Variants in ARHGAP28 observed in about 807,000 individuals in gnomAD.
The protein encoded by ARHGAP28 is rho GTPase-activating protein 28.
ARHGAP28 carries 56 observed loss-of-function variants against 90.7 expected under a neutral mutation model. The ratio of observed to expected loss-of-function variants is 0.62; its 90% CI spans 0.50 to 0.77. ARHGAP28 has a LOEUF of 0.77. ARHGAP28 is among the 30% of genes least tolerant of loss of function. ARHGAP28 has a pLI of 0.00. For missense variants in ARHGAP28, 869 were observed against 900.9 expected (o/e 0.96, Z 0.45); for synonymous variants, 308 against 323.3 (o/e 0.95, Z 0.51).
chr18:6,764,796 T>C (rs755402227), intron 1 of ARHGAP28, among the ~76,000 whole-genome samples: 3 of 152,230 alleles, frequency 2.0e-5, no homozygotes, highest in Admixed American at 1.3e-4. Context: ...CTGCATGTTA[T>C]ACTCTGACCT....
Position 6,797,731 on chromosome 18 carries a change from G to A in ARHGAP28, c.123-27031G>A, listed in dbSNP as rs139287381. Among the ~76,000 whole-genome samples, 525 of 150,952 alleles carry A rather than the reference G, an allele frequency of 3.5e-3. 2 individuals carry two copies. The highest frequency in any genetic ancestry group is 0.012 in the African/African-American group (499 of 41,058). ...GGCTGGAGTGCAACAACGCGATCTCGCCTCACTGCAAACTCCGCCTCCCGG... is the reference window on the plus strand; with the variant it reads ...GGCTGGAGTGCAACAACGCGATCTCACCTCACTGCAAACTCCGCCTCCCGG... On this transcript the variant is annotated intron_variant, in intron 1 of 17. Transcript: ENST00000383472.
Position 6,894,778 on chromosome 18 carries a change from A to G in ARHGAP28, c.1849-57A>G, listed in dbSNP as rs369482085. On this transcript the variant is annotated intron_variant, in intron 14 of 17. Transcript: ENST00000383472. Reference sequence around the variant, plus strand: ...AAAGATTGTACCAGTTTACACTTCCAAAAGCAACATATGCTTGTTTTCTCA... The same window carrying G: ...AAAGATTGTACCAGTTTACACTTCCGAAAGCAACATATGCTTGTTTTCTCA... 42 of 1,514,644 alleles carry G rather than the reference A, an allele frequency of 2.8e-5. No homozygotes were observed. In the African/African-American group the frequency reaches 5.7e-4, roughly 21 times the overall value. The allele number at this position is 1,514,644 out of a possible 1,614,324, so 93.8% of individuals were successfully genotyped here.
chr18:6,757,834 A>C (rs2056124203), intron 1 of ARHGAP28, among the ~76,000 whole-genome samples: 1 of 152,122 alleles, frequency 6.6e-6, no homozygotes, highest in Admixed American at 6.5e-5. Flanking sequence ...AGCATTGAAC[A>C]CAGAGTTAGT....
At chr18:6,731,543 G>C (rs374409329) in intron 1 of ARHGAP28, among the ~76,000 whole-genome samples, 2 of 152,174 alleles carry the variant, frequency 1.3e-5, no homozygotes, top group African/African-American at 4.8e-5. Flanking sequence ...GTCAGAGCTA[G>C]TATTTCACCT....
Position 6,836,587 on chromosome 18 carries a change from G to C in ARHGAP28, c.326-610G>C, listed in dbSNP as rs562244782. On this transcript the variant is annotated intron_variant, in intron 2 of 17. Coordinates refer to ENST00000383472, the MANE Select transcript of ARHGAP28 (RefSeq NM_001366230.1). ...GGTGATTGTATAAGGCAGATACCTG[G>C]ATCTGCTATATGGAGGAATTGGGAG... is the stretch of plus-strand genomic sequence containing the variant. Among the ~76,000 whole-genome samples, 158 of 152,228 alleles carry C rather than the reference G, an allele frequency of 1.0e-3. 1 individual carries two copies. The highest frequency in any genetic ancestry group is 3.6e-3 in the African/African-American group (149 of 41,538).
intron 1 of ARHGAP28, among the ~76,000 whole-genome samples, chr18:6,732,941 G>C (rs1240284135): frequency 6.6e-6 from 1 of 151,842 alleles, no homozygotes; most frequent in Non-Finnish European, 1.5e-5. Context: ...TATCAGAAGC[G>C]GACAAACAAA....
chr18:6,801,302 G>A (rs554464175), intron 1 of ARHGAP28, among the ~76,000 whole-genome samples: 14 of 152,246 alleles, frequency 9.2e-5, no homozygotes, highest in Admixed American at 3.9e-4. Flanking sequence ...TTGCACCTTT[G>A]TTGAAAATTA....
At chr18:6,898,663 C>T (rs1567987429) in intron 16 of ARHGAP28, 94 of 1,483,770 alleles carry the variant, frequency 6.3e-5, no homozygotes, top group South Asian at 4.3e-4. Context: ...TGACTTTGTA[C>T]TCTCAAGTAG....
At chr18:6,769,768 C>T (rs73938293) in intron 1 of ARHGAP28, among the ~76,000 whole-genome samples, 4,215 of 152,228 alleles carry the variant, frequency 0.028, 171 homozygotes, top group African/African-American at 0.09. Context: ...TGTCTATCTT[C>T]GTAGTTTATG....
chr18:6,823,356 G>A (rs1600216992), intron 1 of ARHGAP28, among the ~76,000 whole-genome samples: 1 of 151,970 alleles, frequency 6.6e-6, no homozygotes, highest in African/African-American at 2.4e-5. Context: ...AATGTCCTCA[G>A]GTTTCATCCA....
chr18:6,885,801 TG>T (rs2057215873), intron 11 of ARHGAP28, among the ~76,000 whole-genome samples: 1 of 96,540 alleles, frequency 1.0e-5, no homozygotes, highest in Non-Finnish European at 2.3e-5. Flanking sequence ...TCCCCAGAGT[TG>T]TTTTTTTTTT....
intron 3 of ARHGAP28, among the ~76,000 whole-genome samples, chr18:6,838,126 G>C (rs1204578182): frequency 6.6e-6 from 1 of 152,206 alleles, no homozygotes. Context: ...TTGCATCACA[G>C]ATGCGACAGA....
At chr18:6,843,953 C>T (rs56923758) in intron 3 of ARHGAP28, among the ~76,000 whole-genome samples, 1,778 of 152,172 alleles carry the variant, frequency 0.012, 36 homozygotes, top group African/African-American at 0.04. Context: ...AATCAGTCTC[C>T]GGATACATCA....
intron 3 of ARHGAP28, among the ~76,000 whole-genome samples, chr18:6,841,217 CTCT>C (rs2056823725): frequency 7.2e-6 from 1 of 138,300 alleles, no homozygotes; most frequent in African/African-American, 2.8e-5. Context: ...TCCTCTCTCT[CTCT>C]CTCCCCCCAA....
chr18:6,842,385 T>G (rs2056834258), intron 3 of ARHGAP28, among the ~76,000 whole-genome samples: 1 of 152,108 alleles, frequency 6.6e-6, no homozygotes, highest in African/African-American at 2.4e-5. Flanking sequence ...AAAAAAAATT[T>G]AATGGTCATA....
At chr18:6,877,490 A>G (rs1029258771) in intron 10 of ARHGAP28, among the ~76,000 whole-genome samples, 3 of 152,234 alleles carry the variant, frequency 2.0e-5, no homozygotes, top group African/African-American at 7.2e-5. Context: ...AGCCACATCC[A>G]GAAGGGGCCC....
At position 6,859,789 on chromosome 18, in the gene ARHGAP28, C is replaced by T; in HGVS notation, c.637-19C>T. On this transcript the variant is annotated intron_variant, in intron 4 of 17. Transcript: ENST00000383472. ...AGTATTTGCCTGAATAAGAATGGTACTTTTATTTCTCCATTTAGCCAGATG... is the reference window on the plus strand; with the variant it reads ...AGTATTTGCCTGAATAAGAATGGTATTTTTATTTCTCCATTTAGCCAGATG... 1 of 1,609,058 alleles carries T rather than the reference C, an allele frequency of 6.2e-7. No individual in the cohort carries two copies. Among genetic ancestry groups the T allele is most frequent in the African/African-American group, 1.3e-5 (1 of 74,922 alleles).
At chr18:6,755,419 A>G (rs1345137568) in intron 1 of ARHGAP28, among the ~76,000 whole-genome samples, 7 of 152,188 alleles carry the variant, frequency 4.6e-5, no homozygotes, top group African/African-American at 1.7e-4. Context: ...AAAGGACTAG[A>G]GGGAAATGAA....
intron 14 of ARHGAP28, 94 bp from the exon 15 acceptor site, chr18:6,894,741 A>C: frequency 1.0e-6 from 1 of 1,004,432 alleles, no homozygotes; most frequent in Non-Finnish European, 1.5e-6. Flanking sequence ...ATATTGCCAA[A>C]ATGTTCTCCA....
Sources: allele counts gnomAD v4.1 joint callset (sites outside exome capture counted in the v4.1 genomes callset), GRCh38; gene constraint gnomAD v4.1.1; transcripts MANE v1.5; gene names NCBI Gene and HGNC (gene_info 2026-07-23, HGNC 2026-07-21).